LY75: variants seen among roughly 807,000 people sequenced by gnomAD.
LY75 encodes lymphocyte antigen 75, also known as C-type lectin domain family 13 member B.
In LY75, 185 loss-of-function variants were observed where a neutral mutation model predicts 231.7. The ratio of observed to expected loss-of-function variants is 0.80; its 90% CI spans 0.71 to 0.90. LY75 has a LOEUF of 0.90. LY75 is among the 40% of genes least tolerant of loss of function. The pLI, the probability that LY75 is intolerant of heterozygous loss-of-function variation, is 0.00. For synonymous variants in LY75, 668 were observed against 689.0 expected (o/e 0.97, Z 0.48); for missense variants, 1,947 against 2,050.2 (o/e 0.95, Z 0.97).
In LY75 at chr2:159,885,456, T is replaced by C. The variant is rs371243099; in HGVS notation, c.914-163A>G. The C allele has an allele frequency of 1.7e-5, 7 of 412,698 alleles. No individual in the cohort carries two copies. The East Asian group carries it at 4.7e-4, about 28-fold the overall frequency. 25.6% of individuals were successfully genotyped at this position (412,698 alleles called of 1,614,324 possible). A position where few individuals can be genotyped will look rare whatever the true frequency, so the allele number is the denominator to read the frequency against. On this transcript the variant is annotated intron_variant, in intron 5 of 34. Coordinates refer to ENST00000263636, the MANE Select transcript of LY75 (RefSeq NM_002349.4). ...GTATAAGCCTCAATGAATAATTATG[T>C]GCTTAAATATGTCTTTCTTCTAAAA...
At chr2:159,816,700 C>T in intron 30 of LY75, 106 bp downstream of exon 30, 1 of 1,465,320 alleles carries the variant, frequency 6.8e-7, no homozygotes, top group Non-Finnish European at 9.2e-7. Context: ...AGCGGAGTCC[C>T]AGTACTTCAT....
chr2:159,870,357 G>A (rs7564243), intron 13 of LY75, among the ~76,000 whole-genome samples: 57,785 of 151,930 alleles, frequency 0.38, 13,705 homozygotes, highest in Non-Finnish European at 0.53. Context: ...AGGCTGAAGT[G>A]GGGGGATTAC....
Position 159,875,497 on chromosome 2 carries a change from C to A in LY75, c.1921G>T (p.Asp641Tyr). 1 of 1,614,016 alleles carries A rather than the reference C, an allele frequency of 6.2e-7. No individual in the cohort carries two copies. The highest frequency in any genetic ancestry group is 8.5e-7 in the Non-Finnish European group (1 of 1,179,972). ...GPEEASPKPDDPCPEGWQSFP... is the reference protein window; with the variant it reads ...GPEEASPKPDYPCPEGWQSFP... The stretch of plus-strand genomic sequence containing the variant: ...CTCTGCCAGCCTTCAGGACAGGGGT[C>A]ATCAGGCTTAGGGGATGCTTCTTCA... The change falls in exon 12 of 35, where the codon GAC becomes TAC. Residue 641 changes from aspartate to tyrosine, a missense_variant. By Grantham distance (160) the Asp-to-Tyr change is radical. Transcript: ENST00000263636.
At chr2:159,834,258 T>A in intron 26 of LY75, 47 bp from the exon 27 acceptor site, 2 of 1,606,368 alleles carry the variant, frequency 1.2e-6, no homozygotes, top group Non-Finnish European at 1.7e-6. Context: ...GATATAAATG[T>A]TAAATCCTGT....
intron 12 of LY75, among the ~76,000 whole-genome samples, chr2:159,874,845 GTAAATA>G (rs1262464732): frequency 3.3e-5 from 1 of 29,982 alleles, no homozygotes; most frequent in Non-Finnish European, 1.2e-4. Flanking sequence ...GTAAATATAT[GTAAATA>G]TATATATATT....
Position 159,886,509 on chromosome 2 carries a change from A to T in LY75, c.824T>A (p.Ile275Asn). ...TAGCTGATTTAAACCAATCCAGAAA[A>T]TCTTAGCAATGCCTTCTTTTTCTGT... ...YLKEKEGIAK[I>N]FWIGLNQLYS... The change falls in exon 5 of 35, where the codon ATT becomes AAT. Residue 275 changes from isoleucine to asparagine, a missense_variant. Transcript: ENST00000263636. The T allele has an allele frequency of 6.2e-7, 1 of 1,606,218 alleles. No homozygotes were observed. Among genetic ancestry groups the T allele is most frequent in the Middle Eastern group, 1.7e-4 (1 of 6,024 alleles).
intron 30 of LY75, 86 bp downstream of exon 30, chr2:159,816,720 T>C (rs1683128550): frequency 1.9e-6 from 3 of 1,552,312 alleles, no homozygotes; most frequent in Non-Finnish European, 2.6e-6. Context: ...TCTAATGTTG[T>C]ACTTTGTGTT....
chr2:159,882,837 T>A, intron 6 of LY75, among the ~76,000 whole-genome samples: 1 of 152,072 alleles, frequency 6.6e-6, no homozygotes, highest in East Asian at 1.9e-4. Flanking sequence ...TTTATACACT[T>A]CGCATCCAAG....
rs1012300479 is a variant in LY75, at chr2:159,851,326, G to A, written c.2884-859C>T. 7.2e-5 allele frequency among the ~76,000 whole-genome samples: 11 copies of A among 151,902 alleles called. 1 individual carries two copies. Among genetic ancestry groups the A allele is most frequent in the Admixed American group, 4.6e-4 (7 of 15,244 alleles). On this transcript the variant is annotated intron_variant, in intron 21 of 34. Transcript: ENST00000263636. ...AGTGTAGAGTGGTATGTCCCAAATT[G>A]TGTTCCTTGAAATATCTTACAAAAA...
chr2:159,831,592 T>C, intron 28 of LY75, 78 bp downstream of exon 28: 1 of 1,480,484 alleles, frequency 6.8e-7, no homozygotes, highest in African/African-American at 1.4e-5. Context: ...ACATGTACTT[T>C]GAAGAACTAT....
Position 159,904,674 on chromosome 2 carries a change from T to C in LY75, c.9A>G (p.Thr3=), listed in dbSNP as rs750239619. 2.7e-6 allele frequency: 4 copies of C among 1,471,102 alleles called. No individual in the cohort carries two copies. The highest frequency in any genetic ancestry group is 3.0e-5 in the East Asian group (1 of 33,664). 91.1% of individuals were successfully genotyped at this position (1,471,102 alleles called of 1,614,324 possible). The change falls in exon 1 of 35, where the codon ACA becomes ACG. Residue 3 remains threonine (T), a synonymous_variant. Coordinates refer to ENST00000263636, the MANE Select transcript of LY75 (RefSeq NM_002349.4). MR[T]GWATPRRPAG... ...CCGGGCGGCGAGGGGTCGCCCAGCC[T>C]GTCCTCATCCTGAGCTGGCGCAAGC...
intron 5 of LY75, 104 bp downstream of exon 5, chr2:159,886,316 A>C: frequency 8.0e-7 from 1 of 1,244,192 alleles, no homozygotes; most frequent in Non-Finnish European, 1.1e-6. Flanking sequence ...AACCATAGTA[A>C]GAGCTGCCAA....
chr2:159,862,506 T>C (rs1226745021), intron 14 of LY75, among the ~76,000 whole-genome samples: 1 of 152,072 alleles, frequency 6.6e-6, no homozygotes, highest in African/African-American at 2.4e-5. Context: ...ACTATATTTA[T>C]AGCTTTACAA....
chr2:159,890,302 A>G lies in LY75; in HGVS notation c.713T>C (p.Leu238Pro). The G allele has an allele frequency of 3.1e-6, 5 of 1,613,574 alleles. No individual in the cohort carries two copies. Among genetic ancestry groups the G allele is most frequent in the Non-Finnish European group, 4.2e-6 (5 of 1,179,688 alleles). ...TGAAACATAAGCTTCTTTCCAAGAAAGAGCCGTCTGAGTATTAAATTGGTA... is the reference window on the plus strand; with the variant it reads ...TGAAACATAAGCTTCTTTCCAAGAAGGAGCCGTCTGAGTATTAAATTGGTA... The part of the protein sequence containing the change: ...SCYQFNTQTA[L>P]SWKEAYVSCQ... Residue 238 changes from leucine (L) to proline (P), a missense_variant, in exon 4 of 35, where the codon CTT becomes CCT. Leu to Pro is a moderately conservative substitution (Grantham distance 98, BLOSUM62 -3). Coordinates refer to ENST00000263636, the MANE Select transcript of LY75 (RefSeq NM_002349.4).
chr2:159,868,709 T>C (rs1215547016), intron 13 of LY75, among the ~76,000 whole-genome samples: 1 of 152,190 alleles, frequency 6.6e-6, no homozygotes, highest in Non-Finnish European at 1.5e-5. Flanking sequence ...TTCTCACAAA[T>C]ATCTACAACC....
At chr2:159,806,613 A>T (rs1473659899) in intron 34 of LY75, among the ~76,000 whole-genome samples, 1 of 152,210 alleles carries the variant, frequency 6.6e-6, no homozygotes, top group African/African-American at 2.4e-5. Context: ...ATTAGGAAGA[A>T]AGGAAGCAAA....
At chr2:159,836,965 C>G (rs539901928) in intron 25 of LY75, among the ~76,000 whole-genome samples, 2 of 152,346 alleles carry the variant, frequency 1.3e-5, no homozygotes, top group East Asian at 3.9e-4. Flanking sequence ...CTATAAATAT[C>G]TTTTCACTAA....
At chr2:159,850,499 T>G in intron 21 of LY75, 32 bp from the exon 22 acceptor site, 4 of 1,611,884 alleles carry the variant, frequency 2.5e-6, no homozygotes, top group Non-Finnish European at 3.4e-6. Context: ...AAGCATGAGA[T>G]TCCAGACACA....
At chr2:159,848,151 G>GGTGT (rs1299617156) in intron 23 of LY75, among the ~76,000 whole-genome samples, 5 of 104,812 alleles carry the variant, frequency 4.8e-5, no homozygotes, top group African/African-American at 3.1e-4. Flanking sequence ...ATTTATATAT[G>GGTGT]GTGTGTGTGT....
Sources: gnomAD v4.1 joint callset for allele counts (sites outside exome capture counted in the v4.1 genomes callset) on GRCh38, gnomAD v4.1.1 for gene constraint, MANE v1.5 for transcripts, NCBI Gene and HGNC (gene_info 2026-07-23, HGNC 2026-07-21) for gene names.